Variants in VDR observed in about 807,000 individuals in gnomAD.
The protein encoded by VDR is vitamin D3 receptor.
VDR carries 19 observed loss-of-function variants against 39.7 expected under a neutral mutation model. The observed-to-expected ratio is 0.48, with a 90% CI of 0.33 to 0.70. The LOEUF is 0.70. Ranked by LOEUF, VDR falls within the 30% of genes least tolerant of loss-of-function variation. The pLI is 0.02. For synonymous variants in VDR, 242 were observed against 215.8 expected (o/e 1.12, Z -1.07); for missense variants, 442 against 570.5 (o/e 0.77, Z 2.29).
intron 3 of VDR, among the ~76,000 whole-genome samples, chr12:47,867,577 G>A (rs1371390313): frequency 3.9e-5 from 6 of 152,174 alleles, no homozygotes; most frequent in Non-Finnish European, 8.8e-5. Context: ...CATGTCCTGA[G>A]AGTCCTGTCC....
At position 47,846,718 on chromosome 12, in the gene VDR, G is replaced by C. The variant is rs145153289; in HGVS notation, c.846C>G (p.Asp282Glu). The change falls in exon 8 of 10, where the codon GAC (aspartate) becomes GAG (glutamate). Residue 282 changes from aspartate (D) to glutamate (E), a missense_variant. Physicochemically the swap from Asp to Glu is conservative, Grantham distance 45 (BLOSUM62 2). This residue lies in a region of VDR where 173 missense variants were observed against 252.0 expected (regional missense o/e 0.69). Transcript: ENST00000549336. Reference protein sequence around the residue: ...MLRSNESFTMDDMSWTCGNQD... With the variant: ...MLRSNESFTMEDMSWTCGNQD... ...GGTTGCCACAGGTCCAGGACATGTC[G>C]TCCATGGTGAAGGACTCATTGGAGC... is the stretch of plus-strand genomic sequence containing the variant. 2.5e-6 allele frequency: 4 copies of C among 1,614,142 alleles called. No homozygotes were observed. Among genetic ancestry groups the C allele is most frequent in the Non-Finnish European group, 3.4e-6 (4 of 1,180,044 alleles).
At chr12:47,875,366 C>T (rs528103529) in intron 3 of VDR, among the ~76,000 whole-genome samples, 5 of 152,318 alleles carry the variant, frequency 3.3e-5, no homozygotes, top group South Asian at 2.1e-4. Flanking sequence ...AGGAAATGGT[C>T]AAGCAAGCTT....
intron 7 of VDR, among the ~76,000 whole-genome samples, chr12:47,851,290 A>G (rs1357748549): frequency 6.6e-6 from 1 of 152,074 alleles, no homozygotes; most frequent in African/African-American, 2.4e-5. Context: ...CACCTCCTCC[A>G]TGCATTTCAT....
intron 3 of VDR, among the ~76,000 whole-genome samples, chr12:47,867,412 TG>T (rs1945760148): frequency 1.3e-4 from 1 of 7,952 alleles, no homozygotes; most frequent in South Asian, 6.0e-3. Context: ...ATGTAAGTTG[TG>T]TGTGTGTGTG....
At chr12:47,895,314 T>G (rs541507586) in intron 1 of VDR, among the ~76,000 whole-genome samples, 2 of 152,184 alleles carry the variant, frequency 1.3e-5, no homozygotes, top group East Asian at 3.9e-4. Context: ...CCCTATCCTC[T>G]GTTAGTTTCC....
At chr12:47,877,897 A>G (rs1315155825) in intron 3 of VDR, among the ~76,000 whole-genome samples, 1 of 152,216 alleles carries the variant, frequency 6.6e-6, no homozygotes, top group Non-Finnish European at 1.5e-5. Flanking sequence ...CCCACTGCCC[A>G]GCAATTGCTC....
intron 7 of VDR, among the ~76,000 whole-genome samples, chr12:47,851,023 T>G (rs529539219): frequency 6.6e-6 from 1 of 152,274 alleles, no homozygotes; most frequent in African/African-American, 2.4e-5. Context: ...TCACAGTTTA[T>G]GTAAGAAAGC....
chr12:47,899,538 T>A (rs1417768142), intron 1 of VDR, among the ~76,000 whole-genome samples: 6 of 152,222 alleles, frequency 3.9e-5, no homozygotes, highest in African/African-American at 1.2e-4. Context: ...AGAGTCTAAC[T>A]CAGACCCTGT....
intron 3 of VDR, among the ~76,000 whole-genome samples, chr12:47,867,384 G>T (rs929069141): frequency 2.0e-5 from 3 of 149,408 alleles, no homozygotes; most frequent in Non-Finnish European, 4.4e-5. Flanking sequence ...AAAAAGAAAA[G>T]TGGCACCCTT....
chr12:47,855,196 C>T (rs1945457203), intron 7 of VDR, among the ~76,000 whole-genome samples: 1 of 152,108 alleles, frequency 6.6e-6, no homozygotes, highest in African/African-American at 2.4e-5. Flanking sequence ...GGCTTGGTGG[C>T]CCACACCTGT....
intron 2 of VDR, 152 bp downstream of exon 2, chr12:47,882,542 T>C (rs1428162164): frequency 1.5e-6 from 1 of 660,204 alleles, no homozygotes; most frequent in Non-Finnish European, 2.6e-6. Flanking sequence ...TGCATCTCAG[T>C]TGCAGACTCT....
At chr12:47,889,301 G>C (rs570968322) in intron 1 of VDR, among the ~76,000 whole-genome samples, 157 of 152,264 alleles carry the variant, frequency 1.0e-3, no homozygotes, top group African/African-American at 3.7e-3. Context: ...CGAGGATGTG[G>C]TGTGGGGTAG....
chr12:47,875,487 A>C (rs1945981627), intron 3 of VDR, among the ~76,000 whole-genome samples: 2 of 152,342 alleles, frequency 1.3e-5, no homozygotes, highest in South Asian at 4.1e-4. Context: ...GCTTCCTGGG[A>C]TCAGAGTTTC....
At chr12:47,904,503 A>G (rs1173787436) in intron 1 of VDR, 1 of 1,192,446 alleles carries the variant, frequency 8.4e-7, no homozygotes, top group Non-Finnish European at 1.1e-6. Flanking sequence ...TAAAAGACCC[A>G]ACTCCACCAT....
At chr12:47,882,528 C>G (rs763093875) in intron 2 of VDR, 166 bp downstream of exon 2, 2 of 630,876 alleles carry the variant, frequency 3.2e-6, no homozygotes, top group Non-Finnish European at 5.5e-6. Flanking sequence ...ACCCCACACA[C>G]TCATGCATCT....
intron 3 of VDR, among the ~76,000 whole-genome samples, chr12:47,872,072 C>T (rs1477901511): frequency 6.6e-6 from 1 of 152,202 alleles, no homozygotes; most frequent in African/African-American, 2.4e-5. Flanking sequence ...AAACTGTTGG[C>T]TTTTTAAAAA....
chr12:47,844,309 G>C lies in VDR; in HGVS notation c.*437C>G, dbSNP rs11574119. 9,797 of 278,398 alleles carry C rather than the reference G, an allele frequency of 0.035. 231 individuals are homozygous for C. Among genetic ancestry groups the C allele is most frequent in the Admixed American group, 0.049 (995 of 20,480 alleles). The allele number at this position is 278,398 out of a possible 1,614,324, so 17.2% of individuals were successfully genotyped here. ...GCCGATTATTTATCGTGAGTAGGCAGGAGAGGGAGACCCCACTAGGCGCTG... is the reference window on the plus strand; with the variant it reads ...GCCGATTATTTATCGTGAGTAGGCACGAGAGGGAGACCCCACTAGGCGCTG... On this transcript the variant is annotated 3_prime_UTR_variant, in exon 10 of 10. Transcript: ENST00000549336.
chr12:47,889,943 G>A (rs1019357783), intron 1 of VDR, among the ~76,000 whole-genome samples: 1 of 151,958 alleles, frequency 6.6e-6, no homozygotes, highest in African/African-American at 2.4e-5. Flanking sequence ...GCTGGGACCC[G>A]CAGCCTGAGT....
At position 47,846,670 on chromosome 12, in the gene VDR, A is replaced by G. The variant is rs769999221; in HGVS notation, c.894T>C (p.Ser298=). Reference sequence around the variant, plus strand: ...GTCTAGGCATACCTTTGGTCACGTCACTGACGCGGTACTTGTAGTCTTGGT... The same window carrying G: ...GTCTAGGCATACCTTTGGTCACGTCGCTGACGCGGTACTTGTAGTCTTGGT... ...CGNQDYKYRV[S]DVTKAGHSLE... Residue 298 remains serine (S), a synonymous_variant, in exon 8 of 10, where the codon AGT becomes AGC. Coordinates refer to ENST00000549336, the MANE Select transcript of VDR (RefSeq NM_000376.3). The G allele has an allele frequency of 1.9e-6, 3 of 1,613,826 alleles. No individual in the cohort carries two copies. Among genetic ancestry groups the G allele is most frequent in the East Asian group, 2.2e-5 (1 of 44,884 alleles).
Sources: gnomAD v4.1 joint callset for allele counts (sites outside exome capture counted in the v4.1 genomes callset) on GRCh38, gnomAD v4.1.1 for gene constraint, gnomAD v4.1.1 regional missense constraint, MANE v1.5 for transcripts, NCBI Gene and HGNC (gene_info 2026-07-23, HGNC 2026-07-21) for gene names.